The following BRIP1 variants were observed in gnomAD, a reference collection of about 807,000 sequenced individuals.
BRIP1 encodes the protein Fanconi anemia group J protein.
A neutral mutation model predicts 119.7 loss-of-function variants in BRIP1; 88 were observed. The ratio of observed to expected loss-of-function variants is 0.74; its 90% confidence interval spans 0.62 to 0.88. The LOEUF is 0.88. BRIP1 is among the 40% of genes least tolerant of loss of function. BRIP1 has a pLI of 0.00. For missense variants in BRIP1, 1,259 were observed against 1,455.4 expected (o/e 0.87, Z 2.20); for synonymous variants, 443 against 496.5 (o/e 0.89, Z 1.43).
At chr17:61,763,243 C>T (rs2077303586) in intron 14 of BRIP1, among the ~76,000 whole-genome samples, 1 of 152,062 alleles carries the variant, frequency 6.6e-6, no homozygotes, top group Non-Finnish European at 1.5e-5. Context: ...AAGAAATACC[C>T]ATTTATTATC....
Position 61,825,666 on chromosome 17 carries a change from T to TAAAA in BRIP1, c.628-16913_628-16910dup, listed in dbSNP as rs988608679. Among the ~76,000 whole-genome samples, 11 of 143,550 alleles carry TAAAA rather than the reference T, an allele frequency of 7.7e-5. No individual in the cohort carries two copies. The highest frequency in any genetic ancestry group is 2.1e-4 in the Admixed American group (3 of 14,024). 94.2% of individuals were successfully genotyped at this position (143,550 alleles called of 152,430 possible). A position where few individuals can be genotyped will look rare whatever the true frequency, so the allele number is the denominator to read the frequency against. ...ATAAATAAATAAATAAATAAATAAA[T>TAAAA]AAAATAACTGGGAATACAACTAACC... On this transcript the variant is annotated intron_variant, in intron 6 of 19. Transcript: ENST00000259008. The surrounding 1 kb of genome is among the most constrained non-coding windows in gnomAD (Gnocchi z 4.1).
chr17:61,821,391 T>C (rs1247693611), intron 6 of BRIP1, among the ~76,000 whole-genome samples: 1 of 151,916 alleles, frequency 6.6e-6, no homozygotes, highest in Non-Finnish European at 1.5e-5. Flanking sequence ...TACTTGGGGG[T>C]GGAGAGGTGA....
At chr17:61,786,877 AT>A (rs1347913468) in intron 10 of BRIP1, among the ~76,000 whole-genome samples, 3 of 125,806 alleles carry the variant, frequency 2.4e-5, no homozygotes, top group Non-Finnish European at 4.8e-5. Context: ...GTATTAATAT[AT>A]TAATATATAA....
In BRIP1 at chr17:61,756,470, T is replaced by C. The variant is rs1340570998; in HGVS notation, c.2098-11879A>G. ...AGGGAGACCAGCCAACATATAGTGA[T>C]AGAGATGATTTAATTTACTAATTGG... On this transcript the variant is annotated intron_variant, in intron 14 of 19. Coordinates refer to ENST00000259008, the MANE Select transcript of BRIP1 (RefSeq NM_032043.3). The surrounding 1 kb of genome is among the most constrained non-coding windows in gnomAD (Gnocchi z 4.3). Among the ~76,000 whole-genome samples the C allele has an allele frequency of 6.6e-6, 1 of 152,180 alleles. No homozygotes were observed. The highest frequency in any genetic ancestry group is 2.4e-5 in the African/African-American group (1 of 41,444).
Position 61,842,806 on chromosome 17 carries a change from G to C in BRIP1, c.627+4295C>G, listed in dbSNP as rs577130109. 3.3e-5 allele frequency among the ~76,000 whole-genome samples: 5 copies of C among 152,264 alleles called. No individual in the cohort carries two copies. In the South Asian group the frequency reaches 1.0e-3, roughly 32 times the overall value. On this transcript the variant is annotated intron_variant, in intron 6 of 19. Coordinates refer to ENST00000259008, the MANE Select transcript of BRIP1 (RefSeq NM_032043.3). This position sits in a 1 kb window ranked among gnomAD's most constrained non-coding sequence, Gnocchi z 5.1. ...CTCAGCACTGTATAGATATCAACTT[G>C]TTTAATCCTCCTAACGGCCCCGTGA...
At position 61,738,541 on chromosome 17, in the gene BRIP1, G is replaced by C. The variant is rs558013131; in HGVS notation, c.2379+4472C>G. ...CTATGACAAATAGGATCATGACTGAGGAATGTCAGAGTAGGCCATCAGGTG... is the reference window on the plus strand; with the variant it reads ...CTATGACAAATAGGATCATGACTGACGAATGTCAGAGTAGGCCATCAGGTG... On this transcript the variant is annotated intron_variant, in intron 16 of 19. Coordinates refer to ENST00000259008, the MANE Select transcript of BRIP1 (RefSeq NM_032043.3). The surrounding 1 kb of genome is among the most constrained non-coding windows in gnomAD (Gnocchi z 4.2). Among the ~76,000 whole-genome samples the C allele has an allele frequency of 1.3e-5, 2 of 152,222 alleles. No homozygotes were observed. Among genetic ancestry groups the C allele is most frequent in the Admixed American group, 6.5e-5 (1 of 15,286 alleles).
rs550419443 is a variant in BRIP1, at chr17:61,844,964, T to A, written c.627+2137A>T. The stretch of plus-strand genomic sequence containing the variant: ...AACAAATAAATATTTATTAGACAAC[T>A]AATATGCACCATATGCTATTCTAGG... On this transcript the variant is annotated intron_variant, in intron 6 of 19. Coordinates refer to ENST00000259008, the MANE Select transcript of BRIP1 (RefSeq NM_032043.3). The surrounding 1 kb of genome is among the most constrained non-coding windows in gnomAD (Gnocchi z 4.7). 6.6e-6 allele frequency among the ~76,000 whole-genome samples: 1 copy of A among 152,182 alleles called. No individual in the cohort carries two copies. The highest frequency in any genetic ancestry group is 2.1e-4 in the South Asian group (1 of 4,832).
rs377182112 is a variant in BRIP1, at chr17:61,706,125, C to T, written c.2492+9826G>A. 4.9e-4 allele frequency among the ~76,000 whole-genome samples: 74 copies of T among 152,156 alleles called. No homozygotes were observed. The highest frequency in any genetic ancestry group is 1.6e-3 in the African/African-American group (67 of 41,552). ...GCATACACATTTATGATTCTTATGT[C>T]TTCTTGGTGAATTCACCCTTTTATC... On this transcript the variant is annotated intron_variant, in intron 17 of 19. Transcript: ENST00000259008. This position sits in a 1 kb window ranked among gnomAD's most constrained non-coding sequence, Gnocchi z 5.7.
chr17:61,849,689 T>A (rs907377826), intron 4 of BRIP1, among the ~76,000 whole-genome samples: 25 of 152,332 alleles, frequency 1.6e-4, no homozygotes, highest in African/African-American at 5.8e-4. Context: ...TTTAATCCCA[T>A]AATCCTGAAA....
At chr17:61,835,928 A>G (rs936764332) in intron 6 of BRIP1, among the ~76,000 whole-genome samples, 2 of 152,150 alleles carry the variant, frequency 1.3e-5, no homozygotes, top group Admixed American at 1.3e-4. Flanking sequence ...TAAAAGAACT[A>G]TTAAAAATAT....
rs1032836946 is a variant in BRIP1, at chr17:61,814,781, T to G, written c.628-6024A>C. On this transcript the variant is annotated intron_variant, in intron 6 of 19. Coordinates refer to ENST00000259008, the MANE Select transcript of BRIP1 (RefSeq NM_032043.3). The surrounding 1 kb of genome is among the most constrained non-coding windows in gnomAD (Gnocchi z 4.9). ...ACAAGAGGAATATTAATTGCAGCAT[T>G]GTTTTAATAGTGAGAAAAACAAGCT... is the stretch of plus-strand genomic sequence containing the variant. Among the ~76,000 whole-genome samples, 2 of 152,050 alleles carry G rather than the reference T, an allele frequency of 1.3e-5. No homozygotes were observed. The highest frequency in any genetic ancestry group is 2.9e-5 in the Non-Finnish European group (2 of 67,922).
rs552501285 is a variant in BRIP1, at chr17:61,707,391, T to C, written c.2492+8560A>G. On this transcript the variant is annotated intron_variant, in intron 17 of 19. Transcript: ENST00000259008. ...AAGTGCTTTGTAGCTTTTCCTCCTT[T>C]ACCTGTGCCTGAGTGAGCCCCTTCA... Among the ~76,000 whole-genome samples, 721 of 152,252 alleles carry C rather than the reference T, an allele frequency of 4.7e-3. 6 individuals carry two copies. Among genetic ancestry groups the C allele is most frequent in the African/African-American group, 0.016 (683 of 41,564 alleles).
Position 61,793,358 on chromosome 17 carries a change from A to G in BRIP1, c.1473+239T>C, listed in dbSNP as rs1271579948. Among the ~76,000 whole-genome samples the G allele has an allele frequency of 6.6e-6, 1 of 152,180 alleles. No individual in the cohort carries two copies. Among genetic ancestry groups the G allele is most frequent in the Non-Finnish European group, 1.5e-5 (1 of 68,012 alleles). On this transcript the variant is annotated intron_variant, in intron 10 of 19. Transcript: ENST00000259008. This position sits in a 1 kb window ranked among gnomAD's most constrained non-coding sequence, Gnocchi z 5.2. ...ATATTGACTCCTTTTAGCTTTAAACAAAGCAATTAATCCCTTTAAAGACTA... is the reference window on the plus strand; with the variant it reads ...ATATTGACTCCTTTTAGCTTTAAACGAAGCAATTAATCCCTTTAAAGACTA...
Position 61,856,345 on chromosome 17 carries a change from T to C in BRIP1, c.379+713A>G, listed in dbSNP as rs2078896279. 6.6e-6 allele frequency among the ~76,000 whole-genome samples: 1 copy of C among 152,112 alleles called. No homozygotes were observed. Among genetic ancestry groups the C allele is most frequent in the East Asian group, 1.9e-4 (1 of 5,188 alleles). Reference sequence around the variant, plus strand: ...CCTCTGTCTCCCTGCCAGTGACTGGTAAAGGAATAGCATGAGTAAAAGCAG... The same window carrying C: ...CCTCTGTCTCCCTGCCAGTGACTGGCAAAGGAATAGCATGAGTAAAAGCAG... On this transcript the variant is annotated intron_variant, in intron 4 of 19. Transcript: ENST00000259008. The surrounding 1 kb of genome is among the most constrained non-coding windows in gnomAD (Gnocchi z 5.1).
intron 10 of BRIP1, among the ~76,000 whole-genome samples, chr17:61,786,763 A>G (rs1364120336): frequency 1.5e-5 from 2 of 134,788 alleles, no homozygotes; most frequent in Non-Finnish European, 3.1e-5. Context: ...TATATATTTT[A>G]TATATTATAT....
chr17:61,692,356 CAG>C (rs1233278438), intron 18 of BRIP1, among the ~76,000 whole-genome samples: 4 of 152,084 alleles, frequency 2.6e-5, no homozygotes, highest in African/African-American at 7.2e-5. Context: ...AAATAATCAG[CAG>C]AGTCAAAAGG....
rs1555603510 is a variant in BRIP1, at chr17:61,784,331, T to C, written c.1567A>G (p.Thr523Ala). ...AREVPVISAS[T>A]QIMLKGLFMV... The stretch of plus-strand genomic sequence containing the variant: ...AAAAGTCCTTTAAGCATTATTTGAG[T>C]TGATGCACTAATAACAGGTACTTCT... The change falls in exon 11 of 20, where the codon ACT (threonine) becomes GCT (alanine). Residue 523 changes from threonine (T) to alanine (A), a missense_variant. By Grantham distance (58) the Thr-to-Ala change is moderately conservative. Around this residue, in one of 3 missense-constraint regions of BRIP1, gnomAD observed 753 missense variants for 891.8 expected, o/e 0.84. Coordinates refer to ENST00000259008, the MANE Select transcript of BRIP1 (RefSeq NM_032043.3). 2.5e-6 allele frequency: 4 copies of C among 1,613,128 alleles called. No individual in the cohort carries two copies. The highest frequency in any genetic ancestry group is 3.4e-6 in the Non-Finnish European group (4 of 1,179,234).
intron 16 of BRIP1, among the ~76,000 whole-genome samples, chr17:61,741,191 G>T (rs188650697): frequency 2.6e-5 from 4 of 152,280 alleles, no homozygotes; most frequent in African/African-American, 9.6e-5. Flanking sequence ...CTCCTCATCT[G>T]TTCAAGTGTC....
chr17:61,858,878 T>C (rs926533882), intron 3 of BRIP1, among the ~76,000 whole-genome samples: 1 of 152,122 alleles, frequency 6.6e-6, no homozygotes, highest in South Asian at 2.1e-4. Context: ...TAGAAGTAAA[T>C]ATTAATAGGC....
Sources: gnomAD v4.1 joint callset for allele counts (sites outside exome capture counted in the v4.1 genomes callset) on GRCh38, gnomAD v4.1.1 for gene constraint, gnomAD v4.1.1 regional missense constraint, Gnocchi (gnomAD v3.1) non-coding constraint, MANE v1.5 for transcripts, NCBI Gene and HGNC (gene_info 2026-07-23, HGNC 2026-07-21) for gene names.